Variants in RPTOR observed in about 807,000 individuals in gnomAD.
RPTOR encodes regulatory associated protein of MTOR complex 1.
RPTOR carries 21 observed loss-of-function variants against 169.9 expected under a neutral mutation model. That is an observed-to-expected ratio of 0.12 (90% CI 0.09 to 0.18). The LOEUF (loss-of-function observed/expected upper bound fraction) is 0.18. Ranked by LOEUF, RPTOR falls within the 10% of genes least tolerant of loss-of-function variation. RPTOR has a pLI of 1.00. For synonymous variants in RPTOR, 732 were observed against 753.2 expected (o/e 0.97, Z 0.46); for missense variants, 1,133 against 1,855.9 (o/e 0.61, Z 7.16).
intron 21 of RPTOR, among the ~76,000 whole-genome samples, chr17:80,910,521 C>T (rs550684321): frequency 2.6e-5 from 4 of 152,310 alleles, no homozygotes; most frequent in South Asian, 2.1e-4. Context: ...TGGTGTTCTA[C>T]GTCTTCATCT....
rs572921734 is a variant in RPTOR, at chr17:80,857,447, A to G, written c.1399-343A>G. On this transcript the variant is annotated intron_variant, in intron 12 of 33. Coordinates refer to ENST00000306801, the MANE Select transcript of RPTOR (RefSeq NM_020761.3). Reference sequence around the variant, plus strand: ...GGCTCGTACGTGAGCAACACAGTGAAGGTGCCTGATGCTCTGCTGCCAAGA... The same window carrying G: ...GGCTCGTACGTGAGCAACACAGTGAGGGTGCCTGATGCTCTGCTGCCAAGA... Among the ~76,000 whole-genome samples, 104 of 152,318 alleles carry G rather than the reference A, an allele frequency of 6.8e-4. 1 individual carries two copies. Among genetic ancestry groups the G allele is most frequent in the Admixed American group, 1.6e-3 (25 of 15,310 alleles).
intron 1 of RPTOR, among the ~76,000 whole-genome samples, chr17:80,552,664 C>T (rs1313540212): frequency 6.6e-6 from 1 of 152,198 alleles, no homozygotes; most frequent in African/African-American, 2.4e-5. Flanking sequence ...TAAGGCTCAA[C>T]AGCACCATAA....
chr17:80,838,129 A>G, intron 10 of RPTOR, 132 bp downstream of exon 10: 2 of 668,526 alleles, frequency 3.0e-6, no homozygotes, highest in Non-Finnish European at 5.1e-6. Context: ...CCTGCCTGGA[A>G]AAAATGTAGT....
chr17:80,866,551 C>T (rs2067994076), intron 13 of RPTOR, among the ~76,000 whole-genome samples: 1 of 152,120 alleles, frequency 6.6e-6, no homozygotes, highest in Admixed American at 6.5e-5. Context: ...ACCACCCTGA[C>T]TGATAAGGAA....
chr17:80,593,092 C>CG, intron 1 of RPTOR, among the ~76,000 whole-genome samples: 1 of 152,262 alleles, frequency 6.6e-6, no homozygotes, highest in Non-Finnish European at 1.5e-5. Context: ...TAGTGGGATC[C>CG]GGGAGGGGCC....
At chr17:80,688,712 G>A (rs1012135895) in intron 3 of RPTOR, among the ~76,000 whole-genome samples, 4 of 152,266 alleles carry the variant, frequency 2.6e-5, no homozygotes, top group Admixed American at 2.6e-4. Context: ...GAGGCAGCCA[G>A]TGTTACTCTC....
At chr17:80,782,937 G>A (rs2066956333) in intron 6 of RPTOR, among the ~76,000 whole-genome samples, 1 of 152,214 alleles carries the variant, frequency 6.6e-6, no homozygotes, top group Admixed American at 6.5e-5. Context: ...CAAGCTGGCT[G>A]TAAATGGGCT....
chr17:80,912,235 A>G (rs565847084), intron 21 of RPTOR, among the ~76,000 whole-genome samples: 68 of 152,238 alleles, frequency 4.5e-4, no homozygotes, highest in African/African-American at 1.5e-3. Context: ...GACACACAGG[A>G]GTGTCTGGTG....
chr17:80,616,867 G>C (rs1356457805), intron 1 of RPTOR, among the ~76,000 whole-genome samples: 1 of 152,120 alleles, frequency 6.6e-6, no homozygotes, highest in Non-Finnish European at 1.5e-5. Flanking sequence ...AACACGACTC[G>C]ATCTCTTAAG....
chr17:80,598,022 G>A (rs1435844453), intron 1 of RPTOR, among the ~76,000 whole-genome samples: 1 of 152,020 alleles, frequency 6.6e-6, no homozygotes, highest in Non-Finnish European at 1.5e-5. Flanking sequence ...CACACCTGTA[G>A]TCCCAGCTAC....
chr17:80,842,483 G>T (rs565082017), intron 10 of RPTOR, among the ~76,000 whole-genome samples: 1 of 152,086 alleles, frequency 6.6e-6, no homozygotes. Context: ...CCCATATTCA[G>T]CTTTAACAGA....
chr17:80,675,393 A>G (rs1296933640), intron 3 of RPTOR, among the ~76,000 whole-genome samples: 1 of 152,182 alleles, frequency 6.6e-6, no homozygotes. Flanking sequence ...GAGGTTTTCT[A>G]TCACACCCGG....
intron 7 of RPTOR, among the ~76,000 whole-genome samples, chr17:80,810,048 A>T (rs995237774): frequency 9.7e-5 from 14 of 144,150 alleles, no homozygotes; most frequent in East Asian, 4.1e-4. Context: ...ACTCCATCTC[A>T]AAATAAATAA....
chr17:80,914,918 A>G (rs2143951671), intron 21 of RPTOR, among the ~76,000 whole-genome samples: 1 of 152,358 alleles, frequency 6.6e-6, no homozygotes, highest in Middle Eastern at 3.4e-3. Flanking sequence ...ATGGACCAGA[A>G]TGGGAACTTT....
chr17:80,729,109 T>C (rs1405038242), intron 4 of RPTOR, among the ~76,000 whole-genome samples: 2 of 152,382 alleles, frequency 1.3e-5, no homozygotes, highest in South Asian at 2.1e-4. Context: ...GTCTGAAATG[T>C]AACTTTTGTC....
chr17:80,881,110 T>G (rs1217280312), intron 14 of RPTOR, among the ~76,000 whole-genome samples: 1 of 152,252 alleles, frequency 6.6e-6, no homozygotes, highest in African/African-American at 2.4e-5. Flanking sequence ...TAAATAATTC[T>G]TTAACATAAC....
intron 1 of RPTOR, among the ~76,000 whole-genome samples, chr17:80,604,075 C>A (rs2065210897): frequency 6.6e-6 from 1 of 152,188 alleles, no homozygotes; most frequent in African/African-American, 2.4e-5. Flanking sequence ...ACCAACTTAT[C>A]CTTTCCTTTC....
intron 13 of RPTOR, among the ~76,000 whole-genome samples, chr17:80,874,376 T>C (rs546357859): frequency 4.6e-5 from 7 of 152,266 alleles, no homozygotes; most frequent in Admixed American, 3.9e-4. Flanking sequence ...TTTGTGTTTC[T>C]AGTAGAGATG....
chr17:80,755,407 G>A (rs2066670456), intron 6 of RPTOR, among the ~76,000 whole-genome samples: 1 of 152,048 alleles, frequency 6.6e-6, no homozygotes, highest in South Asian at 2.1e-4. Flanking sequence ...TTTGAGACCA[G>A]CCTGGGCAAC....
Sources: gnomAD v4.1 joint callset for allele counts (sites outside exome capture counted in the v4.1 genomes callset) on GRCh38, gnomAD v4.1.1 for gene constraint, MANE v1.5 for transcripts, NCBI Gene and HGNC (gene_info 2026-07-23, HGNC 2026-07-21) for gene names.